GABRA1: variants seen among roughly 807,000 people sequenced by gnomAD.
GABRA1 encodes the protein gamma-aminobutyric acid receptor subunit alpha-1.
GABRA1 carries 9 observed loss-of-function variants against 48.9 expected under a neutral mutation model. That is an observed-to-expected ratio of 0.18 (90% CI 0.11 to 0.32). The LOEUF (loss-of-function observed/expected upper bound fraction) is 0.32, where lower values mean the gene tolerates loss of function less well. GABRA1 is among the 10% of genes least tolerant of loss of function. The probability of loss-of-function intolerance (pLI) is 1.00; values close to 1 mark genes in which losing one functional copy is unlikely to be tolerated. For missense variants in GABRA1, 285 were observed against 553.8 expected (o/e 0.51, Z 4.87); for synonymous variants, 210 against 198.7 (o/e 1.06, Z -0.48).
At chr5:161,856,140 C>T (rs986935315) in intron 3 of GABRA1, among the ~76,000 whole-genome samples, 16 of 151,206 alleles carry the variant, frequency 1.1e-4, no homozygotes, top group Non-Finnish European at 1.8e-4. Flanking sequence ...AACTAATTCT[C>T]ATATGCACTC....
At chr5:161,875,389 A>T (rs903564803) in intron 5 of GABRA1, among the ~76,000 whole-genome samples, 171 bp from the exon 6 acceptor site, 1 of 152,196 alleles carries the variant, frequency 6.6e-6, no homozygotes, top group African/African-American at 2.4e-5. Context: ...GAATCCACTC[A>T]TTATTGTAAA....
At chr5:161,880,759 C>A (rs1424567647) in intron 6 of GABRA1, among the ~76,000 whole-genome samples, 1 of 152,128 alleles carries the variant, frequency 6.6e-6, no homozygotes, top group East Asian at 1.9e-4. Context: ...ACATTAGAAG[C>A]TTTGTTTTAG....
At chr5:161,865,925 G>A in intron 4 of GABRA1, 137 bp downstream of exon 4, 1 of 653,902 alleles carries the variant, frequency 1.5e-6, no homozygotes, top group Non-Finnish European at 2.7e-6. Flanking sequence ...TGTGTAATAT[G>A]TAATATGTAA....
At chr5:161,885,495 T>A (rs1489496929) in intron 7 of GABRA1, among the ~76,000 whole-genome samples, 1 of 152,126 alleles carries the variant, frequency 6.6e-6, no homozygotes, top group African/African-American at 2.4e-5. Context: ...ATCCCCTTGG[T>A]AGTTTAGAAA....
chr5:161,882,249 C>T, intron 6 of GABRA1: 1 of 392,632 alleles, frequency 2.5e-6, no homozygotes, highest in Non-Finnish European at 4.8e-6. Context: ...GTTTTTGTCC[C>T]CACTGCTACA....
intron 8 of GABRA1, 109 bp from the exon 9 acceptor site, chr5:161,895,557 C>G (rs1426588322): frequency 9.9e-7 from 1 of 1,005,216 alleles, no homozygotes; most frequent in African/African-American, 1.6e-5. Context: ...CTAGAAACCA[C>G]ATTCTGTCAT....
intron 4 of GABRA1, among the ~76,000 whole-genome samples, chr5:161,869,164 T>A (rs1390077953): frequency 6.6e-6 from 1 of 152,208 alleles, no homozygotes; most frequent in African/African-American, 2.4e-5. Context: ...AAGACAAAGC[T>A]ATTTTTCAAA....
At chr5:161,872,019 A>G (rs1409188642) in intron 4 of GABRA1, among the ~76,000 whole-genome samples, 2 of 152,192 alleles carry the variant, frequency 1.3e-5, no homozygotes, top group African/African-American at 2.4e-5. Context: ...AAACACATAC[A>G]TTTTATTTTG....
At chr5:161,857,073 C>T (rs78870988) in intron 3 of GABRA1, among the ~76,000 whole-genome samples, 11,174 of 150,988 alleles carry the variant, frequency 0.074, 470 homozygotes, top group South Asian at 0.12. Flanking sequence ...CATTTGCCTC[C>T]AGATGAAAAG....
At chr5:161,872,151 A>C (rs1754148164) in intron 4 of GABRA1, 1 of 152,642 alleles carries the variant, frequency 6.6e-6, no homozygotes, top group Admixed American at 6.5e-5. Context: ...TCTGGTTTGG[A>C]GTATACTTAG....
chr5:161,877,536 T>C (rs966723491), intron 6 of GABRA1, among the ~76,000 whole-genome samples: 2 of 152,220 alleles, frequency 1.3e-5, no homozygotes, highest in Admixed American at 1.3e-4. Context: ...AAGGTAATAG[T>C]TGGTAAAAAT....
At chr5:161,896,016 A>T in intron 9 of GABRA1, 148 bp downstream of exon 9, 1 of 731,028 alleles carries the variant, frequency 1.4e-6, no homozygotes, top group South Asian at 1.6e-5. Flanking sequence ...AAGTGCCATG[A>T]TAATTTTGTT....
chr5:161,888,094 C>T (rs2113436188), intron 7 of GABRA1, among the ~76,000 whole-genome samples: 1 of 152,190 alleles, frequency 6.6e-6, no homozygotes, highest in South Asian at 2.1e-4. Context: ...ATTGTCACAT[C>T]TAATTTGCAA....
At chr5:161,860,139 C>T (rs192631349) in intron 3 of GABRA1, among the ~76,000 whole-genome samples, 214 of 151,830 alleles carry the variant, frequency 1.4e-3, no homozygotes, top group Middle Eastern at 6.8e-3. Context: ...CAGAGAATAC[C>T]TTTTAACATT....
At chr5:161,891,903 C>CTAATTG (rs1207610417) in intron 8 of GABRA1, among the ~76,000 whole-genome samples, 2 of 152,108 alleles carry the variant, frequency 1.3e-5, no homozygotes, top group East Asian at 3.9e-4. Context: ...ATACTAGGCG[C>CTAATTG]TATTCTATAC....
intron 6 of GABRA1, among the ~76,000 whole-genome samples, chr5:161,876,025 T>A (rs1302105192): frequency 6.6e-6 from 1 of 152,082 alleles, no homozygotes; most frequent in Non-Finnish European, 1.5e-5. Context: ...TAAAAATAAT[T>A]AAATTCGTTT....
rs746306844 is a variant in GABRA1 at position 161,873,285 on chromosome 5, C to T, written c.424C>T (p.Pro142Ser). The T allele has an allele frequency of 6.2e-7, 1 of 1,613,688 alleles. No individual in the cohort carries two copies. The highest frequency in any genetic ancestry group is 8.5e-7 in the Non-Finnish European group (1 of 1,179,844). Residue 142 changes from proline to serine, a missense_variant, in exon 5 of 10, where the codon CCC becomes TCC. By Grantham distance (74) the Pro-to-Ser change is moderately conservative (BLOSUM62 -1). Around this residue, in one of 6 missense-constraint regions of GABRA1, gnomAD observed 105 missense variants for 267.4 expected, o/e 0.39. Transcript: ENST00000393943. ...KKSVAHNMTM[P>S]NKLLRITEDG... is the part of the protein sequence containing the mutation. ...GTCAGTGGCCCACAACATGACCATG[C>T]CCAACAAACTCCTGCGGATCACAGA...
intron 4 of GABRA1, chr5:161,872,072 T>C (rs1320231080): frequency 2.0e-5 from 3 of 152,612 alleles, no homozygotes; most frequent in Non-Finnish European, 4.4e-5. Flanking sequence ...AAAACACAAC[T>C]GCCTTGTGAT....
intron 8 of GABRA1, among the ~76,000 whole-genome samples, chr5:161,893,775 A>C (rs921836383): frequency 6.6e-6 from 1 of 152,236 alleles, no homozygotes; most frequent in East Asian, 1.9e-4. Context: ...TGTTAAATGA[A>C]AGTACAAGGA....
Sources: gnomAD v4.1 joint callset for allele counts (sites outside exome capture counted in the v4.1 genomes callset) on GRCh38, gnomAD v4.1.1 for gene constraint, gnomAD v4.1.1 regional missense constraint, MANE v1.5 for transcripts, NCBI Gene and HGNC (gene_info 2026-07-23, HGNC 2026-07-21) for gene names.